TMEM107: variants seen among roughly 807,000 people sequenced by gnomAD.
TMEM107 encodes the protein transmembrane protein 107.
A neutral mutation model predicts 16.8 loss-of-function variants in TMEM107; 18 were observed. The observed-to-expected ratio is 1.07, with a 90% CI of 0.74 to 1.59. The LOEUF is 1.59. Ranked by LOEUF, TMEM107 falls within the 40% of genes most tolerant of loss-of-function variation. The pLI is 0.00. For missense variants in TMEM107, 152 were observed against 175.4 expected (o/e 0.87, Z 0.75); for synonymous variants, 68 against 71.6 (o/e 0.95, Z 0.25).
intron 3 of TMEM107, chr17:8,175,324 C>G: frequency 7.0e-6 from 2 of 287,748 alleles, no homozygotes; most frequent in South Asian, 7.2e-5. Flanking sequence ...GCCTCGGCCT[C>G]CCAAAGTGCT....
rs543161631 is a variant in TMEM107 at position 8,173,360 on chromosome 17, C to T, written c.*843G>A. 2.8e-5 allele frequency: 17 copies of T among 614,920 alleles called. No homozygotes were observed. The highest frequency in any genetic ancestry group is 4.8e-5 in the Non-Finnish European group (16 of 335,746). 38.1% of individuals were successfully genotyped at this position (614,920 alleles called of 1,614,324 possible). A position where few individuals can be genotyped will look rare whatever the true frequency, so the allele number is the denominator to read the frequency against. ...AGCAATAGCAAGACTGCAAAATAGA[C>T]AAACAGCAAGGTTATCCCAGTCAGA... On this transcript the variant is annotated 3_prime_UTR_variant, in exon 5 of 5. Coordinates refer to ENST00000437139, the MANE Select transcript of TMEM107 (RefSeq NM_183065.4).
In TMEM107 at chr17:8,173,583, G is replaced by C. The variant is rs374740618; in HGVS notation, c.*620C>G. The C allele has an allele frequency of 9.2e-6, 7 of 764,174 alleles. No individual in the cohort carries two copies. Among genetic ancestry groups the C allele is most frequent in the Admixed American group, 6.8e-5 (4 of 58,846 alleles). 47.3% of individuals were successfully genotyped at this position (764,174 alleles called of 1,614,324 possible). ...GGAACAGGTAAGGATTATCCCACCT[G>C]ACGATACAGACAAACAGCCGACATT... On this transcript the variant is annotated 3_prime_UTR_variant, in exon 5 of 5. Coordinates refer to ENST00000437139, the MANE Select transcript of TMEM107 (RefSeq NM_183065.4).
Position 8,173,799 on chromosome 17 carries a change from G to A in TMEM107, c.*404C>T. On this transcript the variant is annotated 3_prime_UTR_variant, in exon 5 of 5. Transcript: ENST00000437139. ...TTCCCAGAATGCTCCGATCAGTTAC[G>A]TGCCGGACGTTCTAACTGTACGCAC... The A allele has an allele frequency of 3.8e-6, 2 of 525,422 alleles. No individual in the cohort carries two copies. The highest frequency in any genetic ancestry group is 6.8e-6 in the Non-Finnish European group (2 of 295,726). 32.5% of individuals were successfully genotyped at this position (525,422 alleles called of 1,614,324 possible).
Position 8,176,201 on chromosome 17 carries a change from C to G in TMEM107, c.86G>C (p.Arg29Pro), listed in dbSNP as rs776684584. 8 of 1,613,952 alleles carry G rather than the reference C, an allele frequency of 5.0e-6. No homozygotes were observed. The highest frequency in any genetic ancestry group is 1.7e-5 in the Admixed American group (1 of 59,998). Residue 29 changes from arginine (R) to proline (P), a missense_variant and splice_region_variant, in exon 1 of 5, where the codon CGG (arginine) becomes CCG (proline). Arg to Pro is a moderately radical substitution (Grantham distance 103). Coordinates refer to ENST00000437139, the MANE Select transcript of TMEM107 (RefSeq NM_183065.4). ...ATTGAGTGCAGCCGTGGGTCTTACC[C>G]GGGACCAGAATAAGGTGATGACGAC... is the stretch of plus-strand genomic sequence containing the variant. ...LVVVITLFWS[R>P]DSNIQACLPL...
At chr17:8,176,146 A>T (rs1182459881) in intron 1 of TMEM107, 54 bp downstream of exon 1, 1 of 1,601,450 alleles carries the variant, frequency 6.2e-7, no homozygotes, top group East Asian at 2.2e-5. Flanking sequence ...GGGTAGGACT[A>T]GGACCACTCA....
At chr17:8,175,892 G>C in intron 2 of TMEM107, 35 bp from the exon 3 acceptor site, 2 of 1,614,108 alleles carry the variant, frequency 1.2e-6, no homozygotes, top group South Asian at 1.1e-5. Context: ...CAGGCCTTTG[G>C]ACTTATTCTA....
rs575800471 is a variant in TMEM107 at position 8,173,378 on chromosome 17, C to A, written c.*825G>T. 1.9e-5 allele frequency: 13 copies of A among 669,616 alleles called. No homozygotes were observed. Among genetic ancestry groups the A allele is most frequent in the South Asian group, 1.8e-4 (11 of 60,688 alleles). 41.5% of individuals were successfully genotyped at this position (669,616 alleles called of 1,614,324 possible). A position where few individuals can be genotyped will look rare whatever the true frequency, so the allele number is the denominator to read the frequency against. ...AAATAGACAAACAGCAAGGTTATCC[C>A]AGTCAGAACTTCATAGCTATGTTTG... On this transcript the variant is annotated 3_prime_UTR_variant, in exon 5 of 5. Transcript: ENST00000437139.
Position 8,173,655 on chromosome 17 carries a change from A to G in TMEM107, c.*548T>C, listed in dbSNP as rs953739189. Reference sequence around the variant, plus strand: ...CCGTTACAAGCTAGGGTGAGTTCATAACGCGCTGGTATGAGCAATCCTATT... The same window carrying G: ...CCGTTACAAGCTAGGGTGAGTTCATGACGCGCTGGTATGAGCAATCCTATT... On this transcript the variant is annotated 3_prime_UTR_variant, in exon 5 of 5. Coordinates refer to ENST00000437139, the MANE Select transcript of TMEM107 (RefSeq NM_183065.4). 90 of 724,272 alleles carry G rather than the reference A, an allele frequency of 1.2e-4. No homozygotes were observed. In the African/African-American group the frequency reaches 1.4e-3, roughly 11 times the overall value. The allele number at this position is 724,272 out of a possible 1,614,324, so 44.9% of individuals were successfully genotyped here. A position where few individuals can be genotyped will look rare whatever the true frequency, so the allele number is the denominator to read the frequency against.
chr17:8,173,446 C>CA lies in TMEM107; in HGVS notation c.*756dup, dbSNP rs1392262088. ...GCATAACACAAATGTAAGTGATCGTCAGAAAGAATCAGACAGGAGCAATCA... is the reference window on the plus strand; with the variant it reads ...GCATAACACAAATGTAAGTGATCGTCAAGAAAGAATCAGACAGGAGCAATCA... On this transcript the variant is annotated 3_prime_UTR_variant, in exon 5 of 5. Transcript: ENST00000437139. 1.3e-5 allele frequency: 10 copies of CA among 761,770 alleles called. No homozygotes were observed. The highest frequency in any genetic ancestry group is 2.2e-5 in the Non-Finnish European group (9 of 416,558). The allele number at this position is 761,770 out of a possible 1,614,324, so 47.2% of individuals were successfully genotyped here. A position where few individuals can be genotyped will look rare whatever the true frequency, so the allele number is the denominator to read the frequency against.
At chr17:8,175,637 A>G (rs770053978) in intron 3 of TMEM107, 120 bp downstream of exon 3, 13 of 910,924 alleles carry the variant, frequency 1.4e-5, no homozygotes. Flanking sequence ...GATTTAGCAC[A>G]TCGTTGAAGA....
chr17:8,173,503 T>A lies in TMEM107; in HGVS notation c.*700A>T, dbSNP rs780174735. 6.5e-6 allele frequency: 5 copies of A among 765,136 alleles called. No individual in the cohort carries two copies. The highest frequency in any genetic ancestry group is 1.7e-5 in the African/African-American group (1 of 59,118). 47.4% of individuals were successfully genotyped at this position (765,136 alleles called of 1,614,324 possible). ...TGCAAGTCCTGATTACGCAGAGACG[T>A]TAATCACGTTTCATGCATCTCCAAT... On this transcript the variant is annotated 3_prime_UTR_variant, in exon 5 of 5. Transcript: ENST00000437139.
In TMEM107 at chr17:8,173,321, C is replaced by T. The variant is rs1983722625; in HGVS notation, c.*882G>A. The stretch of plus-strand genomic sequence containing the variant: ...AGAACAAACAAATTTAGCAAGACTG[C>T]AAAATAGACAAACAGCAATAGCAAG... On this transcript the variant is annotated 3_prime_UTR_variant, in exon 5 of 5. Transcript: ENST00000437139. 3.6e-6 allele frequency: 2 copies of T among 548,326 alleles called. No individual in the cohort carries two copies. The highest frequency in any genetic ancestry group is 5.7e-5 in the Admixed American group (2 of 35,386). The allele number at this position is 548,326 out of a possible 1,614,324, so 34.0% of individuals were successfully genotyped here.
rs984153036 is a variant in TMEM107 at position 8,173,909 on chromosome 17, G to A, written c.*294C>T. The A allele has an allele frequency of 2.0e-6, 1 of 494,376 alleles. No homozygotes were observed. Among genetic ancestry groups the A allele is most frequent in the East Asian group, 3.5e-5 (1 of 28,918 alleles). 30.6% of individuals were successfully genotyped at this position (494,376 alleles called of 1,614,324 possible). A position where few individuals can be genotyped will look rare whatever the true frequency, so the allele number is the denominator to read the frequency against. On this transcript the variant is annotated 3_prime_UTR_variant, in exon 5 of 5. Coordinates refer to ENST00000437139, the MANE Select transcript of TMEM107 (RefSeq NM_183065.4). ...ATAGAAGCGATACCAAGTATCTTACGGTCTGCAGGACTAGAAAACAGCGTT... is the reference window on the plus strand; with the variant it reads ...ATAGAAGCGATACCAAGTATCTTACAGTCTGCAGGACTAGAAAACAGCGTT...
rs547627552 is a variant in TMEM107 at position 8,173,363 on chromosome 17, A to C, written c.*840T>G. On this transcript the variant is annotated 3_prime_UTR_variant, in exon 5 of 5. Coordinates refer to ENST00000437139, the MANE Select transcript of TMEM107 (RefSeq NM_183065.4). ...AATAGCAAGACTGCAAAATAGACAAACAGCAAGGTTATCCCAGTCAGAACT... is the reference window on the plus strand; with the variant it reads ...AATAGCAAGACTGCAAAATAGACAACCAGCAAGGTTATCCCAGTCAGAACT... The C allele has an allele frequency of 3.2e-6, 2 of 618,908 alleles. No homozygotes were observed. The highest frequency in any genetic ancestry group is 5.9e-6 in the Non-Finnish European group (2 of 337,786). The allele number at this position is 618,908 out of a possible 1,614,324, so 38.3% of individuals were successfully genotyped here.
rs1338227017 is a variant in TMEM107 at position 8,176,329 on chromosome 17, CAG to C, written c.-45_-44del. On this transcript the variant is annotated 5_prime_UTR_variant, in exon 1 of 5. Coordinates refer to ENST00000437139, the MANE Select transcript of TMEM107 (RefSeq NM_183065.4). ...GCGGCGGTCTCTGAGGCTGGAAGTT[CAG>C]AGACAGCGACTCCTGAAGTCTCCCC... 1.3e-6 allele frequency: 2 copies of C among 1,537,348 alleles called. No homozygotes were observed. Among genetic ancestry groups the C allele is most frequent in the African/African-American group, 1.4e-5 (1 of 72,794 alleles).
Position 8,173,168 on chromosome 17 carries a change from T to C in TMEM107, c.*1035A>G, listed in dbSNP as rs527347226. ...ACCATGTGCACAAGACTGCAGATATTTACTGATGTGCAATGTTTCCTGAGA... is the reference window on the plus strand; with the variant it reads ...ACCATGTGCACAAGACTGCAGATATCTACTGATGTGCAATGTTTCCTGAGA... On this transcript the variant is annotated 3_prime_UTR_variant, in exon 5 of 5. Transcript: ENST00000437139. The C allele has an allele frequency of 1.3e-4, 44 of 347,254 alleles. 1 individual carries two copies. In the South Asian group the frequency reaches 1.3e-3, roughly 11 times the overall value. 21.5% of individuals were successfully genotyped at this position (347,254 alleles called of 1,614,324 possible). A position where few individuals can be genotyped will look rare whatever the true frequency, so the allele number is the denominator to read the frequency against.
At position 8,173,415 on chromosome 17, in the gene TMEM107, T is replaced by A. The variant is rs752066879; in HGVS notation, c.*788A>T. ...CATAGCTATGTTTGTGGATATCTGC[T>A]AATCAGCATAACACAAATGTAAGTG... is the stretch of plus-strand genomic sequence containing the variant. On this transcript the variant is annotated 3_prime_UTR_variant, in exon 5 of 5. Transcript: ENST00000437139. The A allele has an allele frequency of 1.3e-6, 1 of 745,674 alleles. No homozygotes were observed. The allele number at this position is 745,674 out of a possible 1,614,324, so 46.2% of individuals were successfully genotyped here. A position where few individuals can be genotyped will look rare whatever the true frequency, so the allele number is the denominator to read the frequency against.
rs978874912 is a variant in TMEM107, at chr17:8,173,822, C to A, written c.*381G>T. ...ACGTGCCGGACGTTCTAACTGTACG[C>A]ACTTTCTATTTACATATCTCCGCCC... On this transcript the variant is annotated 3_prime_UTR_variant, in exon 5 of 5. Transcript: ENST00000437139. 1.2e-5 allele frequency: 6 copies of A among 500,202 alleles called. No individual in the cohort carries two copies. Among genetic ancestry groups the A allele is most frequent in the Middle Eastern group, 5.3e-4 (1 of 1,884 alleles). The allele number at this position is 500,202 out of a possible 1,614,324, so 31.0% of individuals were successfully genotyped here. A position where few individuals can be genotyped will look rare whatever the true frequency, so the allele number is the denominator to read the frequency against.
intron 3 of TMEM107, 192 bp downstream of exon 3, chr17:8,175,565 T>A (rs913145953): frequency 2.6e-5 from 18 of 681,872 alleles, no homozygotes; most frequent in Non-Finnish European, 4.8e-5. Context: ...TGAGCCAACA[T>A]GCCTGGCCAA....
Sources: allele counts gnomAD v4.1 joint callset, GRCh38; gene constraint gnomAD v4.1.1; transcripts MANE v1.5; gene names NCBI Gene and HGNC (gene_info 2026-07-23, HGNC 2026-07-21).